MIS18BP1: variants seen among roughly 807,000 people sequenced by gnomAD.
The protein encoded by MIS18BP1 is MIS18 binding protein 1, also known as mis18-binding protein 1.
Under a neutral mutation model 116.1 loss-of-function variants are expected in MIS18BP1, and 72 were observed. The observed-to-expected ratio is 0.62, with a 90% CI of 0.51 to 0.75. MIS18BP1 has a LOEUF of 0.75. Among genes scored for constraint, MIS18BP1 ranks in the 30% least tolerant of loss-of-function variants. The probability of loss-of-function intolerance (pLI) is 0.00; values close to 1 mark genes in which losing one functional copy is unlikely to be tolerated. For synonymous variants in MIS18BP1, 386 were observed against 427.0 expected, an observed-to-expected ratio of 0.90 and a Z score of 1.18; for missense variants, 1,363 against 1,303.2, an observed-to-expected ratio of 1.05 and a Z score of -0.71.
chr14:45,216,976 AAGTCAATAC>A, intron 13 of MIS18BP1, 34 bp downstream of exon 13: 1 of 1,586,166 alleles, frequency 6.3e-7, no homozygotes, highest in African/African-American at 1.4e-5. Context: ...AAAGATACAA[AAGTCAATAC>A]AGATAAGGAA....
intron 1 of MIS18BP1, among the ~76,000 whole-genome samples, chr14:45,249,688 C>G (rs1019174291): frequency 6.6e-6 from 1 of 152,072 alleles, no homozygotes; most frequent in Non-Finnish European, 1.5e-5. Flanking sequence ...CTGGCCAACA[C>G]GGTGAATCCC....
intron 13 of MIS18BP1, among the ~76,000 whole-genome samples, chr14:45,216,756 TTAAATA>T (rs1283834887): frequency 2.0e-5 from 3 of 152,206 alleles, no homozygotes; most frequent in African/African-American, 4.8e-5. Context: ...ATATTAAACT[TTAAATA>T]TATATGTTTC....
chr14:45,235,967 G>T lies in MIS18BP1; in HGVS notation c.1218-23C>A, dbSNP rs1371701140. The T allele has an allele frequency of 2.5e-6, 4 of 1,575,024 alleles. No homozygotes were observed. The South Asian group carries it at 4.6e-5, about 18-fold the overall frequency. On this transcript the variant is annotated intron_variant, in intron 5 of 16. Transcript: ENST00000310806. ...TCTCTAGGAAAAAAAAATAGTTTTGGTAAGGTCAAAATATTCATATAGAAA... is the reference window on the plus strand; with the variant it reads ...TCTCTAGGAAAAAAAAATAGTTTTGTTAAGGTCAAAATATTCATATAGAAA...
chr14:45,238,857 T>C (rs1891497398), intron 4 of MIS18BP1, among the ~76,000 whole-genome samples: 1 of 152,214 alleles, frequency 6.6e-6, no homozygotes, highest in Non-Finnish European at 1.5e-5. Flanking sequence ...TTATAAGCCA[T>C]GGGTCTCAGT....
chr14:45,204,033 A>G lies in MIS18BP1; in HGVS notation c.*76T>C, dbSNP rs1890438750. 6.5e-7 allele frequency: 1 copy of G among 1,526,996 alleles called. No homozygotes were observed. Among genetic ancestry groups the G allele is most frequent in the African/African-American group, 1.4e-5 (1 of 70,886 alleles). 94.6% of individuals were successfully genotyped at this position (1,526,996 alleles called of 1,614,324 possible). A position where few individuals can be genotyped will look rare whatever the true frequency, so the allele number is the denominator to read the frequency against. On this transcript the variant is annotated 3_prime_UTR_variant, in exon 17 of 17. Transcript: ENST00000310806. ...TAGGAAGCTACTTTACAAAGAAAAT[A>G]CATGTACTCCAGTTGAAAATACAAA...
intron 6 of MIS18BP1, among the ~76,000 whole-genome samples, chr14:45,233,479 AC>A (rs1891343577): frequency 6.6e-6 from 1 of 152,324 alleles, no homozygotes; most frequent in East Asian, 1.9e-4. Context: ...ATTTACTTTA[AC>A]TGGACTGCTA....
chr14:45,232,869 T>C (rs1474762705), intron 6 of MIS18BP1, 49 bp from the exon 7 acceptor site: 1 of 865,348 alleles, frequency 1.2e-6, no homozygotes, highest in Admixed American at 2.4e-5. Flanking sequence ...CCTAGAATTT[T>C]AAACAGATAT....
chr14:45,206,313 G>T (rs1409416262), intron 14 of MIS18BP1, 143 bp from the exon 15 acceptor site: 4 of 601,780 alleles, frequency 6.6e-6, no homozygotes, highest in South Asian at 2.0e-5. Flanking sequence ...TTGAAACAGG[G>T]TCTCACTCTG....
chr14:45,216,906 A>C, intron 13 of MIS18BP1, 113 bp downstream of exon 13: 1 of 1,105,974 alleles, frequency 9.0e-7, no homozygotes, highest in Non-Finnish European at 1.3e-6. Context: ...GATCATGTCT[A>C]CGGAGGCTAC....
At chr14:45,222,737 T>A (rs1250759676) in intron 11 of MIS18BP1, among the ~76,000 whole-genome samples, 1 of 152,190 alleles carries the variant, frequency 6.6e-6, no homozygotes, top group Non-Finnish European at 1.5e-5. Context: ...CATAAACAAC[T>A]TTATGGGGTT....
Position 45,223,905 on chromosome 14 carries a change from T to C in MIS18BP1, c.2669+13A>G. The C allele has an allele frequency of 6.5e-7, 1 of 1,535,808 alleles. No individual in the cohort carries two copies. Among genetic ancestry groups the C allele is most frequent in the East Asian group, 2.3e-5 (1 of 44,260 alleles). On this transcript the variant is annotated intron_variant, in intron 11 of 16. Coordinates refer to ENST00000310806, the MANE Select transcript of MIS18BP1 (RefSeq NM_018353.5). ...GCTCTGTAGATATTTCGGAATGAAATCTAACTACTTACCAATGAAGTTTCT... is the reference window on the plus strand; with the variant it reads ...GCTCTGTAGATATTTCGGAATGAAACCTAACTACTTACCAATGAAGTTTCT...
At chr14:45,249,681 G>T (rs1261819746) in intron 1 of MIS18BP1, among the ~76,000 whole-genome samples, 1 of 152,126 alleles carries the variant, frequency 6.6e-6, no homozygotes, top group African/African-American at 2.4e-5. Context: ...GACCAGCCTG[G>T]CCAACACGGT....
chr14:45,231,066 T>A, intron 8 of MIS18BP1, 75 bp downstream of exon 8: 1 of 1,490,862 alleles, frequency 6.7e-7, no homozygotes, highest in Non-Finnish European at 9.1e-7. Context: ...ACTATACACA[T>A]TATAAACCAT....
At chr14:45,241,054 T>C (rs887771239) in intron 4 of MIS18BP1, among the ~76,000 whole-genome samples, 13 of 152,232 alleles carry the variant, frequency 8.5e-5, no homozygotes, top group African/African-American at 2.9e-4. Flanking sequence ...AGTGGGAGGA[T>C]TGCTTGAGCC....
chr14:45,250,812 C>A (rs574541935), intron 1 of MIS18BP1, among the ~76,000 whole-genome samples: 1 of 152,074 alleles, frequency 6.6e-6, no homozygotes, highest in African/African-American at 2.4e-5. Context: ...CGAATGACGG[C>A]GAATCACGAG....
Position 45,217,159 on chromosome 14 carries a change from G to T in MIS18BP1, c.2863C>A (p.Gln955Lys), listed in dbSNP as rs1179110776. Residue 955 changes from glutamine (Q) to lysine (K), a missense_variant, in exon 13 of 17, where the codon CAG becomes AAG. Gln to Lys is a moderately conservative substitution (Grantham distance 53). Coordinates refer to ENST00000310806, the MANE Select transcript of MIS18BP1 (RefSeq NM_018353.5). ...GCAGTTATCTTAATAGTTTGTTTCT[G>T]ATCAGCATCACCTCTCTTGCCTTAA... is the stretch of plus-strand genomic sequence containing the variant. The part of the protein sequence containing the change: ...GQNGKRGDAD[Q>K]KQTIKITAKV... 1.2e-6 allele frequency: 2 copies of T among 1,613,820 alleles called. No homozygotes were observed. The highest frequency in any genetic ancestry group is 1.3e-5 in the African/African-American group (1 of 74,882).
At chr14:45,247,908 A>G (rs1238408425) in intron 1 of MIS18BP1, among the ~76,000 whole-genome samples, 1 of 152,072 alleles carries the variant, frequency 6.6e-6, no homozygotes, top group African/African-American at 2.4e-5. Context: ...TATGCTCCAG[A>G]GCATTTACAT....
intron 14 of MIS18BP1, among the ~76,000 whole-genome samples, chr14:45,209,271 GTTTCA>G (rs1890610981): frequency 6.6e-6 from 1 of 151,518 alleles, no homozygotes; most frequent in South Asian, 2.1e-4. Flanking sequence ...ATCTACCTTT[GTTTCA>G]TTTAATATAT....
chr14:45,215,497 C>T (rs1260941057), intron 13 of MIS18BP1, among the ~76,000 whole-genome samples: 1 of 151,880 alleles, frequency 6.6e-6, no homozygotes, highest in Non-Finnish European at 1.5e-5. Flanking sequence ...GCTGCAACCT[C>T]TGCCTATGGG....
Sources: allele counts gnomAD v4.1 joint callset (sites outside exome capture counted in the v4.1 genomes callset), GRCh38; gene constraint gnomAD v4.1.1; transcripts MANE v1.5; gene names NCBI Gene and HGNC (gene_info 2026-07-23, HGNC 2026-07-21).